Variants in SAMD12 observed in about 807,000 individuals in gnomAD.
SAMD12 encodes sterile alpha motif domain-containing protein 12.
SAMD12 carries 9 observed loss-of-function variants against 15.0 expected under a neutral mutation model. The observed-to-expected ratio is 0.60, with a 90% CI of 0.36 to 1.05. SAMD12 has a LOEUF of 1.05. Ranked by LOEUF, SAMD12 falls within the 50% of genes least tolerant of loss-of-function variation. The probability of loss-of-function intolerance (pLI) is 0.01; values close to 1 mark genes in which losing one functional copy is unlikely to be tolerated. For missense variants in SAMD12, 230 were observed against 234.2 expected (o/e 0.98, Z 0.12); for synonymous variants, 86 against 90.1 (o/e 0.96, Z 0.25).
At chr8:118,222,877 G>C (rs1170539963) in intron 4 of SAMD12, among the ~76,000 whole-genome samples, 1 of 152,138 alleles carries the variant, frequency 6.6e-6, no homozygotes, top group African/African-American at 2.4e-5. Context: ...TGCACTGAAT[G>C]TGATGCATCC....
At chr8:118,511,366 C>A (rs1043903991) in intron 2 of SAMD12, among the ~76,000 whole-genome samples, 1 of 151,898 alleles carries the variant, frequency 6.6e-6, no homozygotes. Context: ...ACTTTTTTCA[C>A]GGTTTATGGT....
chr8:118,466,388 T>G (rs999419311), intron 2 of SAMD12, among the ~76,000 whole-genome samples: 1 of 152,246 alleles, frequency 6.6e-6, no homozygotes, highest in African/African-American at 2.4e-5. Flanking sequence ...ATGAAATAAA[T>G]ATAATTACTA....
At chr8:118,551,793 G>GA (rs1247061659) in intron 2 of SAMD12, among the ~76,000 whole-genome samples, 2 of 151,110 alleles carry the variant, frequency 1.3e-5, no homozygotes, top group African/African-American at 4.9e-5. Context: ...GACTAATAAA[G>GA]AAAAAAAGAG....
intron 4 of SAMD12, among the ~76,000 whole-genome samples, chr8:118,298,849 T>C (rs529426448): frequency 2.6e-5 from 4 of 152,326 alleles, no homozygotes; most frequent in African/African-American, 9.6e-5. Context: ...AATAGAATAT[T>C]GAGATGATAT....
chr8:118,360,923 A>G (rs567364040), intron 4 of SAMD12, among the ~76,000 whole-genome samples: 1 of 152,304 alleles, frequency 6.6e-6, no homozygotes, highest in South Asian at 2.1e-4. Flanking sequence ...AAATCTCAAA[A>G]TGAAACCTGA....
chr8:118,588,668 A>G (rs1275377853), intron 1 of SAMD12, among the ~76,000 whole-genome samples: 1 of 152,200 alleles, frequency 6.6e-6, no homozygotes, highest in Non-Finnish European at 1.5e-5. Flanking sequence ...GGCTCTTTGC[A>G]GAAAAAGTTT....
At chr8:118,257,588 G>A (rs1200660077) in intron 4 of SAMD12, among the ~76,000 whole-genome samples, 1 of 152,028 alleles carries the variant, frequency 6.6e-6, no homozygotes, top group Non-Finnish European at 1.5e-5. Context: ...AGCATCCCTG[G>A]GTCATTCAAT....
chr8:118,270,835 A>T (rs1813338530), intron 4 of SAMD12, among the ~76,000 whole-genome samples: 2 of 152,196 alleles, frequency 1.3e-5, no homozygotes, highest in South Asian at 4.1e-4. Flanking sequence ...CCTATATCAC[A>T]GTGAGAAAGA....
chr8:118,328,898 T>A (rs1030906553), intron 4 of SAMD12, among the ~76,000 whole-genome samples: 7 of 152,126 alleles, frequency 4.6e-5, no homozygotes, highest in Admixed American at 4.6e-4. Flanking sequence ...AAAGCAAGCA[T>A]CCCATCTTCC....
the SAMD12 span, among the ~76,000 whole-genome samples, chr8:118,179,170 G>A: frequency 3.9e-5 from 6 of 152,134 alleles, no homozygotes; most frequent in East Asian, 1.9e-4. Flanking sequence ...GGCCGGATGC[G>A]GTGGCTCATG....
chr8:118,449,852 G>A (rs1227613191), intron 2 of SAMD12, among the ~76,000 whole-genome samples: 1 of 151,306 alleles, frequency 6.6e-6, no homozygotes, highest in Admixed American at 6.6e-5. Context: ...ATAGAAAAAG[G>A]GGGAAAATGG....
chr8:118,348,808 A>T (rs1817805745), intron 4 of SAMD12, among the ~76,000 whole-genome samples: 1 of 152,250 alleles, frequency 6.6e-6, no homozygotes, highest in Non-Finnish European at 1.5e-5. Flanking sequence ...TGAGCTGGTC[A>T]GACAAAGGTA....
chr8:118,611,144 T>G (rs1828100425), intron 1 of SAMD12, among the ~76,000 whole-genome samples: 1 of 152,206 alleles, frequency 6.6e-6, no homozygotes, highest in Non-Finnish European at 1.5e-5. Context: ...TGAATCAAAT[T>G]TCTTCTACCT....
At chr8:118,329,018 T>C (rs1310245858) in intron 4 of SAMD12, among the ~76,000 whole-genome samples, 1 of 152,156 alleles carries the variant, frequency 6.6e-6, no homozygotes, top group Non-Finnish European at 1.5e-5. Flanking sequence ...CTGCATCAGA[T>C]GCCACGTAAA....
intron 2 of SAMD12, among the ~76,000 whole-genome samples, chr8:118,469,531 T>G (rs59275700): frequency 0.012 from 33 of 2,698 alleles, 13 homozygotes; most frequent in African/African-American, 0.02. Context: ...ATATAATATA[T>G]TATATATATT....
At chr8:118,202,108 C>T (rs1191993865) in intron 4 of SAMD12, among the ~76,000 whole-genome samples, 1 of 152,202 alleles carries the variant, frequency 6.6e-6, no homozygotes, top group Non-Finnish European at 1.5e-5. Context: ...ATTCCTGCCT[C>T]ACCAGGCTGC....
rs140771727 is a variant in SAMD12 at position 118,335,819 on chromosome 8, G to A, written c.433+43741C>T. ...TGCAGTGGCATGATCATGGCTCACC[G>A]CAGCCTCGACCTGCTTGGCTCAAGC... On this transcript the variant is annotated intron_variant, in intron 4 of 4. Coordinates refer to the SAMD12 transcript ENST00000409003. Among the ~76,000 whole-genome samples, 145 of 152,258 alleles carry A rather than the reference G, an allele frequency of 9.5e-4. 1 individual carries two copies. Among genetic ancestry groups the A allele is most frequent in the African/African-American group, 3.3e-3 (136 of 41,544 alleles).
At chr8:118,597,840 T>C (rs1827761782) in intron 1 of SAMD12, among the ~76,000 whole-genome samples, 1 of 152,194 alleles carries the variant, frequency 6.6e-6, no homozygotes, top group Non-Finnish European at 1.5e-5. Context: ...ACTCTGTTAT[T>C]TAATGGCATA....
the SAMD12 span, among the ~76,000 whole-genome samples, chr8:118,176,362 G>A: frequency 6.6e-6 from 1 of 152,144 alleles, no homozygotes; most frequent in Non-Finnish European, 1.5e-5. Flanking sequence ...ACACATGCAT[G>A]TGTATGTTCA....
Sources: gnomAD v4.1 joint callset for allele counts (sites outside exome capture counted in the v4.1 genomes callset) on GRCh38, gnomAD v4.1.1 for gene constraint, MANE v1.5 for transcripts, NCBI Gene and HGNC (gene_info 2026-07-23, HGNC 2026-07-21) for gene names.